SYNPO2: variants seen among roughly 807,000 people sequenced by gnomAD.
The protein encoded by SYNPO2 is synaptopodin 2.
A neutral mutation model predicts 85.0 loss-of-function variants in SYNPO2; 56 were observed. That is an observed-to-expected ratio of 0.66 (90% CI 0.53 to 0.82). The LOEUF (loss-of-function observed/expected upper bound fraction) is 0.82. Ranked by LOEUF, SYNPO2 falls within the 40% of genes least tolerant of loss-of-function variation. The pLI is 0.00. For missense variants in SYNPO2, 1,575 were observed against 1,534.2 expected, an observed-to-expected ratio of 1.03 and a Z score of -0.44; for synonymous variants, 602 against 591.1, an observed-to-expected ratio of 1.02 and a Z score of -0.27.
chr4:118,964,372 C>CCTGTGG (rs1176365973), intron 1 of SYNPO2, among the ~76,000 whole-genome samples: 4 of 151,446 alleles, frequency 2.6e-5, no homozygotes, highest in Non-Finnish European at 5.9e-5. Flanking sequence ...TGCCTGTGGT[C>CCTGTGG]CCAGCTACTT....
At chr4:119,039,254 AT>A (rs1429073555) in intron 4 of SYNPO2, among the ~76,000 whole-genome samples, 2 of 152,116 alleles carry the variant, frequency 1.3e-5, no homozygotes, top group Admixed American at 1.3e-4. Flanking sequence ...CTTGTGTAAC[AT>A]GGTAGGGCTA....
intron 1 of SYNPO2, among the ~76,000 whole-genome samples, chr4:118,851,891 A>G (rs1344750556): frequency 6.6e-6 from 1 of 152,208 alleles, no homozygotes; most frequent in East Asian, 1.9e-4. Context: ...GCATATTTTA[A>G]TAGTCTTTTC....
chr4:119,002,589 C>T (rs761285835), intron 1 of SYNPO2, among the ~76,000 whole-genome samples: 1 of 152,120 alleles, frequency 6.6e-6, no homozygotes, highest in African/African-American at 2.4e-5. Context: ...AGTCTTCTAC[C>T]CTCCTCTAAT....
intron 1 of SYNPO2, among the ~76,000 whole-genome samples, chr4:118,981,199 G>GGACA (rs1735994993): frequency 6.6e-6 from 1 of 152,184 alleles, no homozygotes; most frequent in South Asian, 2.1e-4. Context: ...AAACCATGAA[G>GGACA]GACAGCACAG....
chr4:118,980,811 C>T (rs977224267), intron 1 of SYNPO2, among the ~76,000 whole-genome samples: 2 of 151,614 alleles, frequency 1.3e-5, no homozygotes, highest in African/African-American at 4.8e-5. Context: ...CCTCTTAGGC[C>T]TCATCCTGGT....
At chr4:118,922,555 TTTC>T (rs941595147) in intron 1 of SYNPO2, among the ~76,000 whole-genome samples, 5 of 152,036 alleles carry the variant, frequency 3.3e-5, no homozygotes, top group African/African-American at 1.2e-4. Flanking sequence ...TGAACCCTCT[TTTC>T]TACCTGCATA....
At chr4:118,881,231 G>A (rs1478806295) in intron 1 of SYNPO2, among the ~76,000 whole-genome samples, 5 of 151,804 alleles carry the variant, frequency 3.3e-5, no homozygotes, top group Non-Finnish European at 7.4e-5. Flanking sequence ...GAACCCGGGA[G>A]GTGGAGGTTG....
intron 4 of SYNPO2, among the ~76,000 whole-genome samples, chr4:119,050,583 G>A (rs930269551): frequency 2.6e-5 from 4 of 152,278 alleles, no homozygotes; most frequent in Admixed American, 6.5e-5. Flanking sequence ...AAAGAAATCA[G>A]CCCCCACTGC....
At chr4:118,957,221 A>G (rs1734911241) in intron 1 of SYNPO2, among the ~76,000 whole-genome samples, 1 of 152,142 alleles carries the variant, frequency 6.6e-6, no homozygotes, top group African/African-American at 2.4e-5. Context: ...GTTCCTCCCA[A>G]GGGATGTTCT....
intron 1 of SYNPO2, among the ~76,000 whole-genome samples, chr4:118,965,116 C>T (rs1735263012): frequency 6.6e-6 from 1 of 152,112 alleles, no homozygotes; most frequent in African/African-American, 2.4e-5. Context: ...ACAACTCTTT[C>T]TCATCTATTC....
intron 1 of SYNPO2, among the ~76,000 whole-genome samples, chr4:118,897,299 T>G (rs1732581931): frequency 6.6e-6 from 1 of 151,960 alleles, no homozygotes; most frequent in South Asian, 2.1e-4. Context: ...TCCAATCCCC[T>G]CCCACCAGTT....
At chr4:118,894,343 A>G (rs1276880001) in intron 1 of SYNPO2, among the ~76,000 whole-genome samples, 2 of 152,076 alleles carry the variant, frequency 1.3e-5, no homozygotes, top group African/African-American at 4.8e-5. Context: ...TCCCTTTCTG[A>G]AGCCAGAATG....
chr4:119,048,015 G>T (rs1738923257), intron 4 of SYNPO2, among the ~76,000 whole-genome samples: 2 of 152,162 alleles, frequency 1.3e-5, no homozygotes, highest in South Asian at 4.1e-4. Flanking sequence ...TAGGGTTTAT[G>T]CATAATTTTC....
chr4:118,980,634 G>C (rs1255381212), intron 1 of SYNPO2, among the ~76,000 whole-genome samples: 1 of 152,128 alleles, frequency 6.6e-6, no homozygotes, highest in Non-Finnish European at 1.5e-5. Context: ...AAAAGAACTT[G>C]ATTAATAAGT....
intron 1 of SYNPO2, among the ~76,000 whole-genome samples, chr4:118,862,443 T>C (rs1041566298): frequency 6.6e-6 from 1 of 152,198 alleles, no homozygotes; most frequent in African/African-American, 2.4e-5. Flanking sequence ...CCCCATTCAG[T>C]ATGATACTAG....
intron 1 of SYNPO2, among the ~76,000 whole-genome samples, chr4:118,959,989 T>C (rs75316518): frequency 0.091 from 13,907 of 152,240 alleles, 773 homozygotes; most frequent in East Asian, 0.15. Flanking sequence ...GTTCTATCCT[T>C]GTAAGAGACA....
At chr4:118,896,102 A>G (rs956483042) in intron 1 of SYNPO2, among the ~76,000 whole-genome samples, 1 of 152,206 alleles carries the variant, frequency 6.6e-6, no homozygotes. Flanking sequence ...TGTTAGGGGC[A>G]TCAAGCTACT....
At chr4:119,046,378 G>A in intron 4 of SYNPO2, among the ~76,000 whole-genome samples, 1 of 152,178 alleles carries the variant, frequency 6.6e-6, no homozygotes, top group East Asian at 1.9e-4. Flanking sequence ...GGAAGATGAG[G>A]TCAGTGGCAA....
rs758819894 is a variant in SYNPO2 at position 118,927,746 on chromosome 4, AGAT to A, written c.105+38609_105+38611del. Among the ~76,000 whole-genome samples the A allele has an allele frequency of 4.9e-3, 692 of 141,858 alleles. 1 individual carries two copies. The highest frequency in any genetic ancestry group is 9.7e-3 in the African/African-American group (379 of 39,056). 93.1% of individuals were successfully genotyped at this position (141,858 alleles called of 152,430 possible). Reference sequence around the variant, plus strand: ...TAGATAGATAGATAGATAGATAGATAGATGATAGATAGATATATAGATAGATAG... The same window carrying A: ...TAGATAGATAGATAGATAGATAGATAGATAGATAGATATATAGATAGATAG... On this transcript the variant is annotated intron_variant, in intron 1 of 4. Coordinates refer to ENST00000307142, the MANE Select transcript of SYNPO2 (RefSeq NM_133477.3).
Sources: allele counts gnomAD v4.1 joint callset (sites outside exome capture counted in the v4.1 genomes callset), GRCh38; gene constraint gnomAD v4.1.1; transcripts MANE v1.5; gene names NCBI Gene and HGNC (gene_info 2026-07-23, HGNC 2026-07-21).